EFCAB11: variants seen among roughly 807,000 people sequenced by gnomAD.
EFCAB11 encodes EF-hand calcium binding domain 11, also known as EF-hand calcium-binding domain-containing protein 11.
EFCAB11 carries 14 observed loss-of-function variants against 23.0 expected under a neutral mutation model. The observed-to-expected ratio is 0.61, with a 90% CI of 0.40 to 0.95. EFCAB11 has a LOEUF of 0.95. Among genes scored for constraint, EFCAB11 ranks in the 40% least tolerant of loss-of-function variants. The pLI, the probability that EFCAB11 is intolerant of heterozygous loss-of-function variation, is 0.00. For missense variants in EFCAB11, 198 were observed against 195.8 expected (o/e 1.01, Z -0.07); for synonymous variants, 65 against 66.6 (o/e 0.98, Z 0.11).
intron 3 of EFCAB11, among the ~76,000 whole-genome samples, chr14:89,935,544 C>T (rs9919889): frequency 0.099 from 15,073 of 151,870 alleles, 2,442 homozygotes; most frequent in African/African-American, 0.34. Flanking sequence ...CCCCAGTAGC[C>T]GGAACTAAAG....
At chr14:89,847,326 T>C (rs1887459831) in intron 5 of EFCAB11, among the ~76,000 whole-genome samples, 1 of 152,212 alleles carries the variant, frequency 6.6e-6, no homozygotes, top group South Asian at 2.1e-4. Flanking sequence ...TCTGATTCTA[T>C]AGATTCCTCC....
intron 5 of EFCAB11, among the ~76,000 whole-genome samples, chr14:89,845,287 G>A (rs563106494): frequency 3.6e-4 from 55 of 152,184 alleles, no homozygotes; most frequent in Admixed American, 6.5e-4. Flanking sequence ...GCATACCACA[G>A]GACAAGGTAT....
At chr14:89,874,373 C>T (rs145443733) in intron 5 of EFCAB11, among the ~76,000 whole-genome samples, 192 of 152,320 alleles carry the variant, frequency 1.3e-3, no homozygotes, top group African/African-American at 4.5e-3. Flanking sequence ...GGGTCTCTGA[C>T]GTGCCCTGAA....
chr14:89,811,283 A>G (rs1016772376), intron 5 of EFCAB11, among the ~76,000 whole-genome samples: 1 of 152,140 alleles, frequency 6.6e-6, no homozygotes, highest in African/African-American at 2.4e-5. Context: ...CAGGTCCTGG[A>G]AGTCTATGTA....
intron 3 of EFCAB11, among the ~76,000 whole-genome samples, chr14:89,948,906 C>G (rs1292742441): frequency 6.6e-6 from 1 of 151,578 alleles, no homozygotes; most frequent in Non-Finnish European, 1.5e-5. Context: ...AGAGTAAGAC[C>G]TAGTATTTGA....
intron 5 of EFCAB11, among the ~76,000 whole-genome samples, chr14:89,800,051 T>G (rs1885722235): frequency 6.6e-6 from 1 of 152,078 alleles, no homozygotes; most frequent in Non-Finnish European, 1.5e-5. Flanking sequence ...CCAGGCATGG[T>G]GGCAGGTGCC....
intron 5 of EFCAB11, among the ~76,000 whole-genome samples, chr14:89,928,930 C>T (rs1302661593): frequency 1.4e-5 from 2 of 146,436 alleles, no homozygotes; most frequent in Non-Finnish European, 3.0e-5. Flanking sequence ...TTATATATTA[C>T]ATATATAGTT....
chr14:89,954,470 C>G (rs891517990), intron 1 of EFCAB11, 116 bp downstream of exon 1: 2 of 1,540,132 alleles, frequency 1.3e-6, no homozygotes, highest in African/African-American at 2.7e-5. Context: ...ACCCTTTGGA[C>G]AGGCAGCCCA....
intron 5 of EFCAB11, among the ~76,000 whole-genome samples, chr14:89,808,247 T>C (rs1296523902): frequency 6.6e-6 from 1 of 152,152 alleles, no homozygotes; most frequent in East Asian, 1.9e-4. Context: ...AAAAGCGTAA[T>C]ATTTCTAAGG....
intron 5 of EFCAB11, chr14:89,924,620 G>A: frequency 6.5e-7 from 1 of 1,535,300 alleles, no homozygotes. Context: ...AGTCAAGAAA[G>A]AACTTTAAGT....
At chr14:89,860,366 AAAACAAAC>A (rs372088634) in intron 5 of EFCAB11, among the ~76,000 whole-genome samples, 1 of 151,544 alleles carries the variant, frequency 6.6e-6, no homozygotes, top group Non-Finnish European at 1.5e-5. Context: ...ACTCCATCTC[AAAACAAAC>A]AAACAAACAA....
intron 5 of EFCAB11, among the ~76,000 whole-genome samples, chr14:89,835,779 C>A (rs1887060392): frequency 6.6e-6 from 1 of 152,056 alleles, no homozygotes; most frequent in Admixed American, 6.6e-5. Flanking sequence ...AGGTGTCCAC[C>A]ACCACGCCCA....
At chr14:89,926,062 C>A (rs886415411) in intron 5 of EFCAB11, among the ~76,000 whole-genome samples, 1 of 152,066 alleles carries the variant, frequency 6.6e-6, no homozygotes, top group African/African-American at 2.4e-5. Context: ...GTGACCCACT[C>A]GTCTCGGCCT....
At chr14:89,914,368 CT>C in intron 5 of EFCAB11, among the ~76,000 whole-genome samples, 1 of 152,286 alleles carries the variant, frequency 6.6e-6, no homozygotes, top group East Asian at 1.9e-4. Flanking sequence ...GTGAGGAGCA[CT>C]TAATCAGCAC....
chr14:89,894,080 C>T (rs1012401632), intron 5 of EFCAB11, among the ~76,000 whole-genome samples: 50 of 151,964 alleles, frequency 3.3e-4, no homozygotes, highest in South Asian at 2.7e-3. Context: ...CCCGGGTTCA[C>T]GCCATTCTCC....
At chr14:89,833,008 A>C (rs1886936414) in intron 5 of EFCAB11, 1 of 152,186 alleles carries the variant, frequency 6.6e-6, no homozygotes, top group Admixed American at 6.5e-5. Flanking sequence ...CCTTTGAGCC[A>C]TATCCATTTT....
At chr14:89,888,589 T>A (rs1177461588) in intron 5 of EFCAB11, among the ~76,000 whole-genome samples, 1 of 152,126 alleles carries the variant, frequency 6.6e-6, no homozygotes. Context: ...CCTTGAGGGA[T>A]CTGTCCCCAT....
intron 5 of EFCAB11, among the ~76,000 whole-genome samples, chr14:89,836,835 A>G (rs1395637330): frequency 6.6e-6 from 1 of 152,148 alleles, no homozygotes; most frequent in Non-Finnish European, 1.5e-5. Context: ...CCTGGCCAAC[A>G]TGGTAAAACC....
Position 89,860,325 on chromosome 14 carries a change from T to C in EFCAB11, c.411-63001A>G, listed in dbSNP as rs148713832. Among the ~76,000 whole-genome samples the C allele has an allele frequency of 5.8e-3, 883 of 152,056 alleles. 5 individuals carry two copies. Among genetic ancestry groups the C allele is most frequent in the Non-Finnish European group, 9.4e-3 (642 of 67,966 alleles). ...GTTGCAGTGAGCCGAGATCGCACCA[T>C]TGCACTCCAGCCTGGGCGACAAGAG... On this transcript the variant is annotated intron_variant, in intron 5 of 5. Coordinates refer to ENST00000316738, the MANE Select transcript of EFCAB11 (RefSeq NM_145231.4).
Sources: gnomAD v4.1 joint callset for allele counts (sites outside exome capture counted in the v4.1 genomes callset) on GRCh38, gnomAD v4.1.1 for gene constraint, MANE v1.5 for transcripts, NCBI Gene and HGNC (gene_info 2026-07-23, HGNC 2026-07-21) for gene names.